FAM135B: variants seen among roughly 807,000 people sequenced by gnomAD.
FAM135B encodes protein FAM135B.
A neutral mutation model predicts 127.7 loss-of-function variants in FAM135B; 43 were observed. That is an observed-to-expected ratio of 0.34 (90% confidence interval 0.26 to 0.43). The LOEUF (loss-of-function observed/expected upper bound fraction) is 0.43. Among genes scored for constraint, FAM135B ranks in the 20% least tolerant of loss-of-function variants. FAM135B has a pLI of 1.00. For missense variants in FAM135B, 1,558 were observed against 1,725.6 expected (o/e 0.90, Z 1.72); for synonymous variants, 670 against 665.1 (o/e 1.01, Z -0.11).
chr8:138,496,840 C>A lies in FAM135B; in HGVS notation c.-189G>T, dbSNP rs1229852981. ...CTGGTGTTGGGTCCCCGCGGCGAGG[C>A]TGCCTGGAGGAGGAGCGAGCGGATG... On this transcript the variant is annotated 5_prime_UTR_variant, in exon 1 of 20. Transcript: ENST00000395297. 1 of 152,172 alleles carries A rather than the reference C, an allele frequency of 6.6e-6. No homozygotes were observed. The highest frequency in any genetic ancestry group is 2.1e-4 in the South Asian group (1 of 4,824). 9.4% of individuals were successfully genotyped at this position (152,172 alleles called of 1,614,324 possible). A position where few individuals can be genotyped will look rare whatever the true frequency, so the allele number is the denominator to read the frequency against.
Position 138,130,684 on chromosome 8 carries a change from C to G in FAM135B, c.*1909G>C, listed in dbSNP as rs2130460547. 6.6e-6 allele frequency: 1 copy of G among 152,366 alleles called. No homozygotes were observed. The highest frequency in any genetic ancestry group is 1.9e-4 in the East Asian group (1 of 5,188). 9.4% of individuals were successfully genotyped at this position (152,366 alleles called of 1,614,324 possible). ...GCTGCTACCAACTTATGGTTCTGTA[C>G]TGAGCATGGGCACTTGCCTAGGTCA... is the stretch of plus-strand genomic sequence containing the variant. On this transcript the variant is annotated 3_prime_UTR_variant, in exon 20 of 20. Transcript: ENST00000395297.
intron 2 of FAM135B, among the ~76,000 whole-genome samples, chr8:138,326,933 G>C (rs1466378770): frequency 6.6e-6 from 1 of 152,062 alleles, no homozygotes; most frequent in Non-Finnish European, 1.5e-5. Flanking sequence ...TTCATATGTT[G>C]CTAATGGAAA....
intron 1 of FAM135B, among the ~76,000 whole-genome samples, chr8:138,426,521 A>C (rs926146955): frequency 6.6e-6 from 1 of 150,876 alleles, no homozygotes; most frequent in African/African-American, 2.4e-5. Context: ...TGTATAATAT[A>C]TGTATACATA....
At chr8:138,177,692 T>C (rs924793352) in intron 10 of FAM135B, among the ~76,000 whole-genome samples, 6 of 152,212 alleles carry the variant, frequency 3.9e-5, no homozygotes, top group Admixed American at 2.0e-4. Context: ...GTGTTTAACT[T>C]GAGGTCTTAT....
At chr8:138,324,777 A>G (rs998845054) in intron 2 of FAM135B, among the ~76,000 whole-genome samples, 8 of 152,190 alleles carry the variant, frequency 5.3e-5, no homozygotes, top group Non-Finnish European at 1.0e-4. Context: ...CAAGCCCAAG[A>G]AATCTGATTT....
chr8:138,453,643 C>T (rs1404805101), intron 1 of FAM135B, among the ~76,000 whole-genome samples: 3 of 152,108 alleles, frequency 2.0e-5, no homozygotes, highest in Non-Finnish European at 2.9e-5. Context: ...GTCCAGAGTC[C>T]AGGTCACTCC....
intron 2 of FAM135B, among the ~76,000 whole-genome samples, chr8:138,337,304 G>A (rs963065965): frequency 6.6e-6 from 1 of 151,640 alleles, no homozygotes; most frequent in Non-Finnish European, 1.5e-5. Flanking sequence ...ATTAGGAAAA[G>A]AGGAAGTCAA....
intron 9 of FAM135B, among the ~76,000 whole-genome samples, chr8:138,182,397 C>CT (rs890496837): frequency 5.9e-5 from 9 of 152,124 alleles, no homozygotes; most frequent in African/African-American, 2.2e-4. Context: ...GCTGTCATAG[C>CT]TGAAACTCCC....
rs1826657799 is a variant in FAM135B, at chr8:138,311,171, G to A, written c.78-251C>T. Among the ~76,000 whole-genome samples the A allele has an allele frequency of 2.0e-5, 3 of 152,182 alleles. No individual in the cohort carries two copies. In the South Asian group the frequency reaches 6.2e-4, roughly 32 times the overall value. On this transcript the variant is annotated intron_variant, in intron 2 of 19. Coordinates refer to ENST00000395297, the MANE Select transcript of FAM135B (RefSeq NM_015912.4). Reference sequence around the variant, plus strand: ...AGACTGAACAAGGTTGGAGGTGATGGGAATAGAGAAAAGAAAGAGATGGGT... The same window carrying A: ...AGACTGAACAAGGTTGGAGGTGATGAGAATAGAGAAAAGAAAGAGATGGGT...
chr8:138,197,458 T>C, intron 8 of FAM135B, 58 bp downstream of exon 8: 2 of 1,574,176 alleles, frequency 1.3e-6, no homozygotes. Context: ...CCCCATCCCT[T>C]GTGTGGAGGA....
chr8:138,453,425 CAAAA>C (rs397891817), intron 1 of FAM135B, among the ~76,000 whole-genome samples: 2 of 84,308 alleles, frequency 2.4e-5, no homozygotes, highest in Admixed American at 1.3e-4. Flanking sequence ...GTCCAAGTGA[CAAAA>C]AAAAAAAAAA....
At chr8:138,362,278 CATATCT>C (rs1387868824) in intron 2 of FAM135B, among the ~76,000 whole-genome samples, 2 of 84,848 alleles carry the variant, frequency 2.4e-5, no homozygotes, top group East Asian at 6.5e-4. Flanking sequence ...CCCCCACCCC[CATATCT>C]TTTTTTTTTT....
intron 2 of FAM135B, among the ~76,000 whole-genome samples, chr8:138,347,595 T>C (rs1829503272): frequency 6.6e-6 from 1 of 152,176 alleles, no homozygotes; most frequent in African/African-American, 2.4e-5. Context: ...AACAGCCCTC[T>C]CATAACCCCT....
intron 3 of FAM135B, among the ~76,000 whole-genome samples, chr8:138,276,383 G>A (rs576053346): frequency 2.6e-5 from 4 of 152,274 alleles, no homozygotes; most frequent in South Asian, 2.1e-4. Context: ...CTAGTCCACC[G>A]TGGCCTTGGC....
intron 1 of FAM135B, among the ~76,000 whole-genome samples, chr8:138,436,078 T>G (rs565690502): frequency 1.7e-4 from 26 of 152,090 alleles, no homozygotes; most frequent in Non-Finnish European, 3.7e-4. Context: ...GTAAAAGAGG[T>G]GGAGAGGTGG....
chr8:138,433,800 A>C (rs1446827555), intron 1 of FAM135B, among the ~76,000 whole-genome samples: 1 of 152,172 alleles, frequency 6.6e-6, no homozygotes, highest in Non-Finnish European at 1.5e-5. Flanking sequence ...GGTTTGCTGG[A>C]GAGGGAGAGA....
At position 138,422,313 on chromosome 8, in the gene FAM135B, T is replaced by C. The variant is rs1020261273; in HGVS notation, c.-19-54311A>G. On this transcript the variant is annotated intron_variant, in intron 1 of 19. Transcript: ENST00000395297. ...AAAAGCTACTGCACAGCAAAGGAAA[T>C]TATTAATAGATTAAACAGAAAACCT... is the stretch of plus-strand genomic sequence containing the variant. 7.2e-5 allele frequency among the ~76,000 whole-genome samples: 11 copies of C among 152,162 alleles called. 1 individual carries two copies. The highest frequency in any genetic ancestry group is 3.4e-3 in the Middle Eastern group (1 of 294).
intron 16 of FAM135B, among the ~76,000 whole-genome samples, chr8:138,142,158 T>C (rs903455889): frequency 4.6e-5 from 7 of 152,174 alleles, no homozygotes; most frequent in Non-Finnish European, 1.0e-4. Flanking sequence ...TATGTCTACA[T>C]ATTCAATTGC....
chr8:138,172,518 C>A (rs1415049586), intron 11 of FAM135B, among the ~76,000 whole-genome samples: 1 of 152,224 alleles, frequency 6.6e-6, no homozygotes, highest in Non-Finnish European at 1.5e-5. Context: ...CCTACTTGGT[C>A]AAATCAGGAA....
Sources: gnomAD v4.1 joint callset for allele counts (sites outside exome capture counted in the v4.1 genomes callset) on GRCh38, gnomAD v4.1.1 for gene constraint, MANE v1.5 for transcripts, NCBI Gene and HGNC (gene_info 2026-07-23, HGNC 2026-07-21) for gene names.